CYGB: variants seen among roughly 807,000 people sequenced by gnomAD.
CYGB encodes the protein cytoglobin.
CYGB carries 13 observed loss-of-function variants against 20.7 expected under a neutral mutation model. That is an observed-to-expected ratio of 0.63 (90% CI 0.41 to 1.00). CYGB has a LOEUF of 1.00. CYGB is among the 50% of genes least tolerant of loss of function. The pLI is 0.00. For missense variants in CYGB, 218 were observed against 257.2 expected, an observed-to-expected ratio of 0.85 and a Z score of 1.04; for synonymous variants, 93 against 107.4, an observed-to-expected ratio of 0.87 and a Z score of 0.83.
intron 1 of CYGB, among the ~76,000 whole-genome samples, chr17:76,547,676 G>A (rs1277284309): frequency 6.9e-6 from 1 of 144,778 alleles, no homozygotes; most frequent in Non-Finnish European, 1.5e-5. Flanking sequence ...TTCACACACA[G>A]AGACACCCAC....
In CYGB at chr17:76,530,041, C is replaced by T; in HGVS notation, c.539+938G>A. 2.0e-6 allele frequency: 2 copies of T among 985,438 alleles called. No homozygotes were observed. Among genetic ancestry groups the T allele is most frequent in the Non-Finnish European group, 2.4e-6 (2 of 829,930 alleles). The allele number at this position is 985,438 out of a possible 1,614,324, so 61.0% of individuals were successfully genotyped here. A position where few individuals can be genotyped will look rare whatever the true frequency, so the allele number is the denominator to read the frequency against. On this transcript the variant is annotated intron_variant, in intron 3 of 3. Transcript: ENST00000293230. This position sits in a 1 kb window ranked among gnomAD's most constrained non-coding sequence, Gnocchi z 6.1. ...CTGTGCCTGTGAACAGAAGGGCCGGCAGTCTTGGGGGCCCGTGCAGAGCCC... is the reference window on the plus strand; with the variant it reads ...CTGTGCCTGTGAACAGAAGGGCCGGTAGTCTTGGGGGCCCGTGCAGAGCCC...
chr17:76,534,105 TTC>T (rs2074882468), intron 1 of CYGB, among the ~76,000 whole-genome samples: 1 of 149,660 alleles, frequency 6.7e-6, no homozygotes, highest in Non-Finnish European at 1.5e-5. Flanking sequence ...TTCTTTTTCT[TTC>T]TTTCTTCTTT....
At chr17:76,543,213 G>C in intron 1 of CYGB, 1 of 405,474 alleles carries the variant, frequency 2.5e-6, no homozygotes, top group Non-Finnish European at 5.1e-6. Context: ...GCTGGGCCTG[G>C]CAGAAAGAGC....
At position 76,530,164 on chromosome 17, in the gene CYGB, C is replaced by T. The variant is rs556154521; in HGVS notation, c.539+815G>A. On this transcript the variant is annotated intron_variant, in intron 3 of 3. Transcript: ENST00000293230. The surrounding 1 kb of genome is among the most constrained non-coding windows in gnomAD (Gnocchi z 6.1). The stretch of plus-strand genomic sequence containing the variant: ...CGCGTGTCCCGGGCTGCTGGCTGAC[C>T]TCTGCTTCCCATTCCCGCCTCCGCT... 1.1e-6 allele frequency: 1 copy of T among 888,526 alleles called. No individual in the cohort carries two copies. The highest frequency in any genetic ancestry group is 1.3e-6 in the Non-Finnish European group (1 of 741,440). The allele number at this position is 888,526 out of a possible 1,614,324, so 55.0% of individuals were successfully genotyped here.
chr17:76,529,196 C>T (rs948030487), intron 3 of CYGB: 6 of 985,392 alleles, frequency 6.1e-6, no homozygotes, highest in East Asian at 1.1e-4. Context: ...ATCCTACCCT[C>T]GAGCCCATGG....
At chr17:76,544,764 TG>T (rs1256258861) in intron 1 of CYGB, 1 of 456,804 alleles carries the variant, frequency 2.2e-6, no homozygotes, top group South Asian at 1.5e-5. Flanking sequence ...CTATTTGCCA[TG>T]TTCCTGTCAC....
intron 1 of CYGB, chr17:76,544,501 T>C (rs929274951): frequency 7.5e-5 from 34 of 456,086 alleles, no homozygotes; most frequent in Non-Finnish European, 1.3e-4. Context: ...GGCAGTTCTG[T>C]GGGAGCCTCT....
upstream of CYGB, chr17:76,540,199 GCCAACCGAGT>G (rs1567910879): frequency 7.1e-7 from 1 of 1,401,708 alleles, no homozygotes; most frequent in Non-Finnish European, 9.5e-7. The surrounding 1 kb of genome is among the most constrained non-coding windows in gnomAD (Gnocchi z 5.0). Context: ...CCGCCGATTT[GCCAACCGAGT>G]CCAACCGTGA....
intron 1 of CYGB, among the ~76,000 whole-genome samples, chr17:76,532,568 G>A (rs928255178): frequency 7.5e-6 from 1 of 133,694 alleles, no homozygotes; most frequent in Non-Finnish European, 1.5e-5. Context: ...GTCTCACTCT[G>A]TCATCCAGGC....
chr17:76,544,487 C>G (rs560943649), intron 1 of CYGB: 1 of 455,778 alleles, frequency 2.2e-6, no homozygotes, highest in African/African-American at 2.0e-5. Flanking sequence ...GGGGTGTGTG[C>G]GAAGGCAGTT....
chr17:76,528,447 C>T lies in CYGB; in HGVS notation c.*131G>A, dbSNP rs752067750. 4 of 897,636 alleles carry T rather than the reference C, an allele frequency of 4.5e-6. No homozygotes were observed. The highest frequency in any genetic ancestry group is 4.3e-5 in the Admixed American group (1 of 23,264). 55.6% of individuals were successfully genotyped at this position (897,636 alleles called of 1,614,324 possible). The stretch of plus-strand genomic sequence containing the variant: ...GGGGGACCCTGGCCGCCACAGAGGC[C>T]TCCTTCGGGGAAGTTGAGTCAGGGA... On this transcript the variant is annotated 3_prime_UTR_variant, in exon 4 of 4. Transcript: ENST00000293230. The surrounding 1 kb of genome is among the most constrained non-coding windows in gnomAD (Gnocchi z 5.8).
upstream of CYGB, chr17:76,540,206 G>A (rs760704583): frequency 8.9e-6 from 13 of 1,467,262 alleles, no homozygotes; most frequent in Admixed American, 1.9e-5. This position sits in a 1 kb window ranked among gnomAD's most constrained non-coding sequence, Gnocchi z 5.0. Context: ...TTTGCCAACC[G>A]AGTCCAACCG....
chr17:76,549,630 A>G (rs1334873149), intron 1 of CYGB, among the ~76,000 whole-genome samples: 1 of 152,254 alleles, frequency 6.6e-6, no homozygotes, highest in African/African-American at 2.4e-5. Context: ...AAAGATGTTC[A>G]TGGCAGCTTT....
chr17:76,537,316 C>G, intron 1 of CYGB, 84 bp downstream of exon 1: 1 of 1,393,348 alleles, frequency 7.2e-7, no homozygotes, highest in Non-Finnish European at 9.3e-7. Context: ...GGCGCTGGAG[C>G]TCGGACCCGG....
At chr17:76,535,194 G>T (rs970223599) in intron 1 of CYGB, among the ~76,000 whole-genome samples, 1 of 152,332 alleles carries the variant, frequency 6.6e-6, no homozygotes, top group South Asian at 2.1e-4. Flanking sequence ...CTCCAGGTTG[G>T]GGGTGTGGAA....
At position 76,529,519 on chromosome 17, in the gene CYGB, C is replaced by A. The variant is rs567168522; in HGVS notation, c.540-908G>T. On this transcript the variant is annotated intron_variant, in intron 3 of 3. Coordinates refer to ENST00000293230, the MANE Select transcript of CYGB (RefSeq NM_134268.5). ...TGTTTCTGATTCACTGGGGCTCGCG[C>A]CCAGCCAGCTCTCTTTCCAGTCTCT... The A allele has an allele frequency of 2.1e-4, 207 of 985,448 alleles. 3 individuals carry two copies. In the South Asian group the frequency reaches 8.6e-3, roughly 41 times the overall value. The allele number at this position is 985,448 out of a possible 1,614,324, so 61.0% of individuals were successfully genotyped here.
chr17:76,544,835 A>C lies in CYGB; in HGVS notation c.-53+6027T>G, dbSNP rs895157. ...CCTTCCACTGGTCTGAGGAATTGTCAGGCCAAGGTCATGGAGCTGGCTCAC... is the reference window on the plus strand; with the variant it reads ...CCTTCCACTGGTCTGAGGAATTGTCCGGCCAAGGTCATGGAGCTGGCTCAC... On this transcript the variant is annotated intron_variant, in intron 1 of 3. Coordinates refer to the CYGB transcript ENST00000589145. 0.19 allele frequency: 88,498 copies of C among 456,682 alleles called. 9,272 individuals are homozygous for C. The highest frequency in any genetic ancestry group is 0.25 in the South Asian group (16,455 of 64,574). The allele number at this position is 456,682 out of a possible 1,614,324, so 28.3% of individuals were successfully genotyped here.
chr17:76,537,363 C>T, intron 1 of CYGB, 37 bp downstream of exon 1: 1 of 1,558,396 alleles, frequency 6.4e-7, no homozygotes, highest in East Asian at 2.6e-5. Context: ...CTGCCGCCCT[C>T]CCTGCCCAGG....
chr17:76,550,256 T>G (rs1176744060), intron 1 of CYGB: 1 of 146,802 alleles, frequency 6.8e-6, no homozygotes, highest in Non-Finnish European at 1.5e-5. Flanking sequence ...GTGCCCAGCC[T>G]AGAAGGTTCT....
Sources: allele counts gnomAD v4.1 joint callset (sites outside exome capture counted in the v4.1 genomes callset), GRCh38; gene constraint gnomAD v4.1.1; non-coding constraint Gnocchi (gnomAD v3.1); transcripts MANE v1.5; gene names NCBI Gene and HGNC (gene_info 2026-07-23, HGNC 2026-07-21).